MAGI2: variants seen among roughly 807,000 people sequenced by gnomAD.
MAGI2 encodes membrane associated guanylate kinase, WW and PDZ domain containing 2.
In MAGI2, 35 loss-of-function variants were observed where a neutral mutation model predicts 133.3. The ratio of observed to expected loss-of-function variants is 0.26; its 90% CI spans 0.20 to 0.35. The LOEUF is 0.35. Among genes scored for constraint, MAGI2 ranks in the 10% least tolerant of loss-of-function variants. The probability of loss-of-function intolerance (pLI) is 1.00; values close to 1 mark genes in which losing one functional copy is unlikely to be tolerated. For missense variants in MAGI2, 1,636 were observed against 1,863.4 expected (o/e 0.88, Z 2.25); for synonymous variants, 729 against 710.6 (o/e 1.03, Z -0.41).
chr7:78,392,726 C>G (rs1037260775), intron 6 of MAGI2, among the ~76,000 whole-genome samples: 1 of 152,176 alleles, frequency 6.6e-6, no homozygotes, highest in Non-Finnish European at 1.5e-5. Context: ...TCACTGCAAC[C>G]TCCGCCTCCC....
intron 6 of MAGI2, among the ~76,000 whole-genome samples, chr7:78,371,009 A>T (rs1793854557): frequency 6.6e-6 from 1 of 151,892 alleles, no homozygotes. Context: ...CTAGGTACTA[A>T]CTCATTTTAT....
chr7:78,801,552 A>G (rs1788053519), intron 2 of MAGI2, among the ~76,000 whole-genome samples: 4 of 152,134 alleles, frequency 2.6e-5, no homozygotes, highest in African/African-American at 9.7e-5. Context: ...ACCTCTGCAA[A>G]CCATGTAGGA....
chr7:78,758,264 GT>G (rs149892642), intron 2 of MAGI2, among the ~76,000 whole-genome samples: 13 of 150,808 alleles, frequency 8.6e-5, no homozygotes, highest in Non-Finnish European at 1.6e-4. Context: ...ACAAGACAGG[GT>G]TTTTTTTTCT....
At chr7:78,219,311 C>T (rs568465230) in intron 10 of MAGI2, among the ~76,000 whole-genome samples, 1 of 152,310 alleles carries the variant, frequency 6.6e-6, no homozygotes, top group East Asian at 1.9e-4. Flanking sequence ...TTCCCTCACT[C>T]ATTCATTTAC....
At chr7:78,514,340 T>C (rs1261414925) in intron 4 of MAGI2, among the ~76,000 whole-genome samples, 1 of 151,912 alleles carries the variant, frequency 6.6e-6, no homozygotes, top group Admixed American at 6.6e-5. Flanking sequence ...AGTGATATCA[T>C]TACTTTTTAA....
chr7:79,376,812 G>A (rs1386956032), intron 1 of MAGI2, among the ~76,000 whole-genome samples: 1 of 143,430 alleles, frequency 7.0e-6, no homozygotes, highest in Non-Finnish European at 1.5e-5. Context: ...AGATAAGAGA[G>A]GATTTGTGTG....
intron 9 of MAGI2, among the ~76,000 whole-genome samples, chr7:78,308,751 A>C (rs1015441744): frequency 1.3e-5 from 2 of 152,142 alleles, no homozygotes; most frequent in African/African-American, 4.8e-5. Flanking sequence ...TATTCAGCTG[A>C]GTTAGGCATC....
intron 21 of MAGI2, among the ~76,000 whole-genome samples, chr7:78,036,439 C>T (rs1810233463): frequency 1.3e-5 from 2 of 152,050 alleles, no homozygotes; most frequent in South Asian, 2.1e-4. Context: ...AACCAGCTAA[C>T]ATTCACTAGG....
intron 1 of MAGI2, among the ~76,000 whole-genome samples, chr7:79,179,892 C>T (rs570310135): frequency 7.2e-5 from 11 of 151,868 alleles, no homozygotes; most frequent in East Asian, 1.9e-4. Flanking sequence ...GACAGAAAAG[C>T]GCAGGCAACA....
intron 2 of MAGI2, among the ~76,000 whole-genome samples, chr7:78,873,039 GA>G (rs1353026034): frequency 6.6e-6 from 1 of 152,066 alleles, no homozygotes; most frequent in African/African-American, 2.4e-5. Flanking sequence ...AAAAAATAGA[GA>G]AATTTGCATA....
At chr7:79,168,073 C>T (rs1339039238) in intron 1 of MAGI2, among the ~76,000 whole-genome samples, 2 of 152,140 alleles carry the variant, frequency 1.3e-5, no homozygotes, top group African/African-American at 2.4e-5. Context: ...ATAAGGGATA[C>T]TTCTAGTTAA....
chr7:78,693,781 C>T (rs1817215437), intron 2 of MAGI2, among the ~76,000 whole-genome samples: 1 of 152,102 alleles, frequency 6.6e-6, no homozygotes, highest in Non-Finnish European at 1.5e-5. Context: ...GTTAGTAGTT[C>T]AAATGGTTTC....
intron 1 of MAGI2, among the ~76,000 whole-genome samples, chr7:79,221,196 T>C (rs1027433966): frequency 1.3e-5 from 2 of 152,120 alleles, no homozygotes; most frequent in African/African-American, 4.8e-5. Flanking sequence ...TAGTTTTCTG[T>C]GACTTCTTAT....
chr7:78,460,058 C>T (rs1584238431), intron 6 of MAGI2, among the ~76,000 whole-genome samples: 1 of 152,312 alleles, frequency 6.6e-6, no homozygotes, highest in East Asian at 1.9e-4. Flanking sequence ...ATTTAATATC[C>T]AACCCCTGTG....
chr7:79,028,334 T>TAC (rs748928173), intron 1 of MAGI2, among the ~76,000 whole-genome samples: 11 of 31,856 alleles, frequency 3.5e-4, no homozygotes, highest in Admixed American at 1.4e-3. Context: ...TATACATATA[T>TAC]ATACACACAC....
intron 13 of MAGI2, among the ~76,000 whole-genome samples, chr7:78,181,868 T>C (rs1359918870): frequency 6.6e-6 from 1 of 152,244 alleles, no homozygotes; most frequent in African/African-American, 2.4e-5. Flanking sequence ...GGGCTTCACA[T>C]GCTGTATGTT....
At chr7:78,719,038 A>C (rs2151195599) in intron 2 of MAGI2, among the ~76,000 whole-genome samples, 1 of 152,358 alleles carries the variant, frequency 6.6e-6, no homozygotes, top group Admixed American at 6.5e-5. Flanking sequence ...ACTTGGCATT[A>C]GAAATGTTGC....
At chr7:79,139,202 T>C (rs543000175) in intron 1 of MAGI2, among the ~76,000 whole-genome samples, 1 of 152,278 alleles carries the variant, frequency 6.6e-6, no homozygotes, top group Non-Finnish European at 1.5e-5. Flanking sequence ...TCTTTTGTTA[T>C]GGCAGTCCTA....
At chr7:78,096,395 T>C (rs2151231356) in intron 20 of MAGI2, among the ~76,000 whole-genome samples, 1 of 152,334 alleles carries the variant, frequency 6.6e-6, no homozygotes, top group Non-Finnish European at 1.5e-5. Flanking sequence ...CATAGGGCTA[T>C]GCAGGTAACC....
Sources: allele counts gnomAD v4.1 joint callset (sites outside exome capture counted in the v4.1 genomes callset), GRCh38; gene constraint gnomAD v4.1.1; transcripts MANE v1.5; gene names NCBI Gene and HGNC (gene_info 2026-07-23, HGNC 2026-07-21).